RAB3IL1: variants seen among roughly 807,000 people sequenced by gnomAD.
RAB3IL1 encodes guanine nucleotide exchange factor for Rab-3A.
RAB3IL1 carries 37 observed loss-of-function variants against 49.2 expected under a neutral mutation model. The ratio of observed to expected loss-of-function variants is 0.75; its 90% CI spans 0.58 to 0.99. The LOEUF (loss-of-function observed/expected upper bound fraction) is 0.99. Among genes scored for constraint, RAB3IL1 ranks in the 50% least tolerant of loss-of-function variants. The probability of loss-of-function intolerance (pLI) is 0.00; values close to 1 mark genes in which losing one functional copy is unlikely to be tolerated. For synonymous variants in RAB3IL1, 193 were observed against 213.9 expected (o/e 0.90, Z 0.85); for missense variants, 484 against 513.0 (o/e 0.94, Z 0.55).
Position 61,904,556 on chromosome 11 carries a change from T to A in RAB3IL1, c.889A>T (p.Ser297Cys), listed in dbSNP as rs771568424. 2 of 1,610,250 alleles carry A rather than the reference T, an allele frequency of 1.2e-6. No homozygotes were observed. The highest frequency in any genetic ancestry group is 1.1e-5 in the South Asian group (1 of 90,150). ...PTVKVAEVDC[S>C]STNTCALSGL... ...AGACCCTCAGCTTACTTGGTGCTGC[T>A]ACAGTCAACCTCGGCCACCTTCACT... The change falls in exon 7 of 10, where the codon AGC becomes TGC. Residue 297 changes from serine (S) to cysteine (C), a missense_variant. Coordinates refer to ENST00000394836, the MANE Select transcript of RAB3IL1 (RefSeq NM_013401.4).
At chr11:61,934,247 G>A in the RAB3IL1 span, among the ~76,000 whole-genome samples, 2 of 150,252 alleles carry the variant, frequency 1.3e-5, no homozygotes, top group African/African-American at 4.9e-5. Context: ...GGGCTCAAGT[G>A]ATCCTCCTAC....
At chr11:61,923,055 C>T (rs533913422), upstream of RAB3IL1, among the ~76,000 whole-genome samples, 1 of 152,306 alleles carries the variant, frequency 6.6e-6, no homozygotes, top group South Asian at 2.1e-4. Flanking sequence ...CTGCCAAGAC[C>T]CCACCAGCCT....
At chr11:61,920,213 G>A, upstream of RAB3IL1, 1 of 1,254,268 alleles carries the variant, frequency 8.0e-7, no homozygotes, top group Non-Finnish European at 1.0e-6. Flanking sequence ...CCAGACTGAG[G>A]GTCCCTCTGG....
At chr11:61,927,405 G>T in the RAB3IL1 span, among the ~76,000 whole-genome samples, 1 of 152,170 alleles carries the variant, frequency 6.6e-6, no homozygotes, top group African/African-American at 2.4e-5. Flanking sequence ...AGGACCACAG[G>T]TCAGGTACAA....
At chr11:61,934,351 CAT>C in the RAB3IL1 span, among the ~76,000 whole-genome samples, 180 of 91,314 alleles carry the variant, frequency 2.0e-3, 4 homozygotes, top group South Asian at 0.047. Flanking sequence ...CACACACACA[CAT>C]ATGTATATAT....
chr11:61,939,527 A>G, the RAB3IL1 span, among the ~76,000 whole-genome samples: 1 of 152,118 alleles, frequency 6.6e-6, no homozygotes, highest in African/African-American at 2.4e-5. Flanking sequence ...TTAAGAGTGG[A>G]GATAAATGAA....
In RAB3IL1 at chr11:61,908,123, G is replaced by C; in HGVS notation, c.195C>G (p.Arg65=). Reference sequence around the variant, plus strand: ...TCTCTCGGATCTCCATGGAAGAGCTGCGCAGGCGCAACACGTCCAGCTGGG... The same window carrying C: ...TCTCTCGGATCTCCATGGAAGAGCTCCGCAGGCGCAACACGTCCAGCTGGG... ...AAAQLDVLRL[R]SSSMEIREKG... is the part of the protein sequence containing the mutation. The change falls in exon 2 of 10, where the codon CGC becomes CGG. Residue 65 remains arginine (R), a synonymous_variant. Coordinates refer to ENST00000394836, the MANE Select transcript of RAB3IL1 (RefSeq NM_013401.4). The C allele has an allele frequency of 6.2e-7, 1 of 1,606,404 alleles. No individual in the cohort carries two copies. The highest frequency in any genetic ancestry group is 8.5e-7 in the Non-Finnish European group (1 of 1,178,226).
the RAB3IL1 span, among the ~76,000 whole-genome samples, chr11:61,930,912 T>C: frequency 6.6e-6 from 1 of 152,248 alleles, no homozygotes; most frequent in Non-Finnish European, 1.5e-5. Context: ...TAAATTAATA[T>C]GTGCCTAATA....
rs1939086249 is a variant in RAB3IL1 at position 61,904,645 on chromosome 11, A to T, written c.800T>A (p.Val267Glu). Residue 267 changes from valine to glutamate, a missense_variant, in exon 7 of 10, where the codon GTA (valine) becomes GAA (glutamate). Coordinates refer to ENST00000394836, the MANE Select transcript of RAB3IL1 (RefSeq NM_013401.4). ...CGTGTTGTCCTCCACGGCGGCCCGT[A>T]CCAGCACCGAGAGCTGTGGCAGACC... is the stretch of plus-strand genomic sequence containing the variant. The part of the protein sequence containing the change: ...DFTMQELSVL[V>E]RAAVEDNTLT... 1 of 1,610,808 alleles carries T rather than the reference A, an allele frequency of 6.2e-7. No homozygotes were observed. Among genetic ancestry groups the T allele is most frequent in the Non-Finnish European group, 8.5e-7 (1 of 1,178,740 alleles).
chr11:61,920,166 C>A, upstream of RAB3IL1: 1 of 1,320,632 alleles, frequency 7.6e-7, no homozygotes, highest in South Asian at 2.1e-5. Context: ...GGGCGGGGCA[C>A]CCAGCGTGCT....
intron 1 of RAB3IL1, among the ~76,000 whole-genome samples, chr11:61,915,898 C>T (rs1008499653): frequency 7.9e-5 from 12 of 151,770 alleles, no homozygotes; most frequent in African/African-American, 2.4e-4. Context: ...ATTAGCTGGG[C>T]GTGGTGGCGG....
Position 61,911,277 on chromosome 11 carries a change from G to A in RAB3IL1, c.12-2971C>T, listed in dbSNP as rs1939442633. Among the ~76,000 whole-genome samples the A allele has an allele frequency of 2.6e-5, 4 of 152,336 alleles. No individual in the cohort carries two copies. The South Asian group carries it at 8.3e-4, about 32-fold the overall frequency. ...AACATGGGAACAGTGGGACCACCCAGTAGCCACCAACTCCCCAACGCCAAA... is the reference window on the plus strand; with the variant it reads ...AACATGGGAACAGTGGGACCACCCAATAGCCACCAACTCCCCAACGCCAAA... On this transcript the variant is annotated intron_variant, in intron 1 of 9. Coordinates refer to ENST00000394836, the MANE Select transcript of RAB3IL1 (RefSeq NM_013401.4).
At chr11:61,900,045 G>A (rs1481073462) in intron 8 of RAB3IL1, among the ~76,000 whole-genome samples, 8 of 152,200 alleles carry the variant, frequency 5.3e-5, no homozygotes, top group Admixed American at 3.9e-4. Flanking sequence ...TGCTGAGAGT[G>A]GGGGCACTAA....
chr11:61,927,698 T>G, the RAB3IL1 span, among the ~76,000 whole-genome samples: 2 of 67,774 alleles, frequency 3.0e-5, no homozygotes, highest in Non-Finnish European at 6.0e-5. Flanking sequence ...GTAATATATT[T>G]CCCCCCTGCT....
chr11:61,929,888 T>C, the RAB3IL1 span, among the ~76,000 whole-genome samples: 1 of 121,124 alleles, frequency 8.3e-6, no homozygotes, highest in Admixed American at 8.3e-5. Context: ...GCCCGGCTTT[T>C]TTTTTTTTTT....
intron 1 of RAB3IL1, among the ~76,000 whole-genome samples, chr11:61,915,578 C>T (rs1490554834): frequency 2.6e-5 from 4 of 152,134 alleles, no homozygotes; most frequent in Admixed American, 2.0e-4. Context: ...CACAGGCTTC[C>T]GGCAGACGAG....
chr11:61,929,338 C>T, the RAB3IL1 span, among the ~76,000 whole-genome samples: 3 of 151,978 alleles, frequency 2.0e-5, no homozygotes, highest in Non-Finnish European at 4.4e-5. Context: ...AACCCTGTCT[C>T]TGCTACAAAC....
chr11:61,937,008 A>C, the RAB3IL1 span, among the ~76,000 whole-genome samples: 3 of 152,334 alleles, frequency 2.0e-5, no homozygotes, highest in South Asian at 6.2e-4. Flanking sequence ...CCACATGAAG[A>C]AATAAAGAAC....
At position 61,898,286 on chromosome 11, in the gene RAB3IL1, C is replaced by T; in HGVS notation, c.1141G>A (p.Glu381Lys). Residue 381 changes from glutamate (E) to lysine (K), a missense_variant, in exon 10 of 10, where the codon GAG becomes AAG. Glu to Lys is a moderately conservative substitution (Grantham distance 56). Coordinates refer to ENST00000394836, the MANE Select transcript of RAB3IL1 (RefSeq NM_013401.4). The surrounding 1 kb of genome is among the most constrained non-coding windows in gnomAD (Gnocchi z 5.1). Reference sequence around the variant, plus strand: ...CAGGCCTGGGCCGCGCCCTAAGCCTCCTGGGGGAAGAAGCCGAGCTTGGCC... The same window carrying T: ...CAGGCCTGGGCCGCGCCCTAAGCCTTCTGGGGGAAGAAGCCGAGCTTGGCC... The part of the protein sequence containing the change: ...SLAKLGFFPQ[E>K]A 1 of 1,613,178 alleles carries T rather than the reference C, an allele frequency of 6.2e-7. No individual in the cohort carries two copies. The highest frequency in any genetic ancestry group is 8.5e-7 in the Non-Finnish European group (1 of 1,179,968).
Sources: allele counts gnomAD v4.1 joint callset (sites outside exome capture counted in the v4.1 genomes callset), GRCh38; gene constraint gnomAD v4.1.1; non-coding constraint Gnocchi (gnomAD v3.1); transcripts MANE v1.5; gene names NCBI Gene and HGNC (gene_info 2026-07-23, HGNC 2026-07-21).